Variants in DIPK1A observed in about 807,000 individuals in gnomAD.
DIPK1A encodes the protein family with sequence similarity 69 member A.
Under a neutral mutation model 40.8 loss-of-function variants are expected in DIPK1A, and 27 were observed. The observed-to-expected ratio is 0.66, with a 90% CI of 0.49 to 0.91. The LOEUF (loss-of-function observed/expected upper bound fraction) is 0.91, where lower values mean the gene tolerates loss of function less well. DIPK1A is among the 40% of genes least tolerant of loss of function. The pLI is 0.00. For synonymous variants in DIPK1A, 166 were observed against 171.3 expected (o/e 0.97, Z 0.24); for missense variants, 412 against 505.7 (o/e 0.81, Z 1.78).
chr1:92,883,106 T>A (rs1330073932), intron 1 of DIPK1A, among the ~76,000 whole-genome samples: 2 of 152,208 alleles, frequency 1.3e-5, no homozygotes, highest in Non-Finnish European at 2.9e-5. Flanking sequence ...TTTCCCTTGC[T>A]GCTGCTGCTT....
chr1:92,947,518 T>C (rs1372048257), intron 1 of DIPK1A, among the ~76,000 whole-genome samples: 1 of 152,156 alleles, frequency 6.6e-6, no homozygotes, highest in Non-Finnish European at 1.5e-5. Context: ...AGTACAGCCA[T>C]TATGGGAAAG....
intron 1 of DIPK1A, among the ~76,000 whole-genome samples, chr1:92,916,183 T>C (rs1321430871): frequency 2.0e-5 from 3 of 152,198 alleles, no homozygotes; most frequent in African/African-American, 4.8e-5. Context: ...GTGGCAATGG[T>C]TGTAGAACTG....
chr1:92,877,183 A>G, intron 1 of DIPK1A: 3 of 975,596 alleles, frequency 3.1e-6, no homozygotes, highest in Non-Finnish European at 3.7e-6. Context: ...ATCTAATTGC[A>G]ACTCGGGCTG....
At chr1:92,840,989 C>T, downstream of DIPK1A, 2 of 401,618 alleles carry the variant, frequency 5.0e-6, no homozygotes, top group Non-Finnish European at 9.7e-6. Context: ...CCCACAAATA[C>T]AATGTATAGT....
chr1:92,837,061 C>T (rs1687158739), intron 4 of DIPK1A: 1 of 321,178 alleles, frequency 3.1e-6, no homozygotes, highest in Non-Finnish European at 6.0e-6. Context: ...GTTGCAAGTA[C>T]ACCAAGAGCA....
chr1:92,866,966 T>C (rs1014474539), intron 2 of DIPK1A, among the ~76,000 whole-genome samples: 10 of 152,218 alleles, frequency 6.6e-5, no homozygotes, highest in Admixed American at 2.0e-4. Flanking sequence ...AATGTGTGTG[T>C]GTGTGTCTTA....
intron 1 of DIPK1A, among the ~76,000 whole-genome samples, chr1:92,908,571 A>G (rs1392648958): frequency 6.6e-6 from 1 of 152,224 alleles, no homozygotes; most frequent in Non-Finnish European, 1.5e-5. Context: ...AGTAGGCTGA[A>G]GAGTAGGAGG....
chr1:92,932,606 C>A (rs1650796349), intron 1 of DIPK1A: 1 of 152,090 alleles, frequency 6.6e-6, no homozygotes, highest in African/African-American at 2.4e-5. Context: ...AATGTGTATT[C>A]CTTTTGTAGT....
chr1:92,939,789 A>T (rs1193373776), intron 1 of DIPK1A, among the ~76,000 whole-genome samples: 1 of 152,176 alleles, frequency 6.6e-6, no homozygotes. Context: ...CCCTGTTTCT[A>T]ACAAAAAACA....
chr1:92,842,763 T>C lies in DIPK1A; in HGVS notation c.*620A>G, dbSNP rs1239995495. The C allele has an allele frequency of 2.6e-5, 26 of 985,292 alleles. No individual in the cohort carries two copies. The highest frequency in any genetic ancestry group is 6.1e-5 in the Admixed American group (1 of 16,266). The allele number at this position is 985,292 out of a possible 1,614,324, so 61.0% of individuals were successfully genotyped here. ...TTCATCCATTTTTAGTCAATAAAAT[T>C]GGTGTACTGTCAAGTATAAGATTTC... On this transcript the variant is annotated 3_prime_UTR_variant, in exon 5 of 5. Coordinates refer to ENST00000370310, the MANE Select transcript of DIPK1A (RefSeq NM_001006605.5).
intron 4 of DIPK1A, chr1:92,834,785 T>C: frequency 1.2e-6 from 2 of 1,613,208 alleles, no homozygotes; most frequent in Non-Finnish European, 1.7e-6. Flanking sequence ...ATAGATTGCT[T>C]ATGCCCGTAT....
chr1:92,949,016 G>C (rs2100907056), intron 1 of DIPK1A, among the ~76,000 whole-genome samples: 1 of 151,728 alleles, frequency 6.6e-6, no homozygotes, highest in Non-Finnish European at 1.5e-5. Flanking sequence ...ATATTGGCCT[G>C]GCTGGTCTCG....
intron 2 of DIPK1A, among the ~76,000 whole-genome samples, chr1:92,851,621 T>C (rs541450102): frequency 1.5e-4 from 22 of 150,870 alleles, no homozygotes; most frequent in East Asian, 3.9e-4. Context: ...CTCTGTCACA[T>C]TGTCATCCTT....
intron 4 of DIPK1A, chr1:92,836,176 G>C: frequency 1.9e-6 from 3 of 1,608,886 alleles, no homozygotes; most frequent in Non-Finnish European, 2.5e-6. Flanking sequence ...CATTTACATT[G>C]GTTTCTTGAA....
At chr1:92,878,134 C>T (rs1648209293) in intron 1 of DIPK1A, among the ~76,000 whole-genome samples, 1 of 152,088 alleles carries the variant, frequency 6.6e-6, no homozygotes, top group African/African-American at 2.4e-5. Context: ...GTAAGTGACA[C>T]TATAAGGATA....
chr1:92,852,774 C>T (rs1687862538), intron 2 of DIPK1A, among the ~76,000 whole-genome samples: 1 of 152,168 alleles, frequency 6.6e-6, no homozygotes, highest in South Asian at 2.1e-4. Context: ...GGCGTGGTGG[C>T]TCATCCCTGT....
At chr1:92,932,920 A>G (rs1331499592) in intron 1 of DIPK1A, 1 of 152,206 alleles carries the variant, frequency 6.6e-6, no homozygotes, top group Non-Finnish European at 1.5e-5. Context: ...ACCCTAATGT[A>G]AACTAAGGGC....
Position 92,833,277 on chromosome 1 carries a change from G to C in DIPK1A, c.475-243C>G, listed in dbSNP as rs1389333801. ...GAAACCTGGGATTCTACAAGTGACA[G>C]TTGTCTGTTTACTCTTGAAGTTCAA... On this transcript the variant is annotated intron_variant, in intron 4 of 4. Coordinates refer to the DIPK1A transcript ENST00000615519. 5.7e-6 allele frequency: 5 copies of C among 872,408 alleles called. No homozygotes were observed. In the East Asian group the frequency reaches 1.3e-4, roughly 23 times the overall value. The allele number at this position is 872,408 out of a possible 1,614,324, so 54.0% of individuals were successfully genotyped here.
chr1:92,846,032 A>AAAAG (rs1027017857), intron 4 of DIPK1A: 1 of 153,118 alleles, frequency 6.5e-6, no homozygotes, highest in Non-Finnish European at 1.5e-5. Flanking sequence ...ATCTTTTAAA[A>AAAAG]AAAGAAAGAA....
Sources: gnomAD v4.1 joint callset for allele counts (sites outside exome capture counted in the v4.1 genomes callset) on GRCh38, gnomAD v4.1.1 for gene constraint, MANE v1.5 for transcripts, NCBI Gene and HGNC (gene_info 2026-07-23, HGNC 2026-07-21) for gene names.